Variants in RBFOX1 observed in about 807,000 individuals in gnomAD.
The protein encoded by RBFOX1 is RNA binding protein fox-1 homolog 1.
Under a neutral mutation model 57.7 loss-of-function variants are expected in RBFOX1, and 8 were observed. That is an observed-to-expected ratio of 0.14 (90% CI 0.08 to 0.25). The LOEUF is 0.25. RBFOX1 is among the 10% of genes least tolerant of loss of function. The probability of loss-of-function intolerance (pLI) is 1.00; values close to 1 mark genes in which losing one functional copy is unlikely to be tolerated. For synonymous variants in RBFOX1, 326 were observed against 222.4 expected (o/e 1.47, Z -4.15); for missense variants, 611 against 548.5 (o/e 1.11, Z -1.14).
chr16:6,926,025 C>A (rs1006879082), intron 3 of RBFOX1, among the ~76,000 whole-genome samples: 9 of 152,032 alleles, frequency 5.9e-5, no homozygotes, highest in African/African-American at 2.2e-4. Context: ...CCTCAACTTG[C>A]TGGCTGGGCT....
intron 4 of RBFOX1, among the ~76,000 whole-genome samples, chr16:5,886,732 A>G (rs1483342633): frequency 6.6e-6 from 1 of 152,168 alleles, no homozygotes; most frequent in Admixed American, 6.5e-5. Context: ...TACTTAAAAT[A>G]CAAAAATTAG....
chr16:6,987,494 C>G (rs2086959658), intron 3 of RBFOX1, among the ~76,000 whole-genome samples: 1 of 142,564 alleles, frequency 7.0e-6, no homozygotes, highest in Admixed American at 7.1e-5. Context: ...CACACACACA[C>G]ACACACACAC....
At chr16:5,941,093 C>G (rs189525173) in intron 4 of RBFOX1, among the ~76,000 whole-genome samples, 5 of 152,060 alleles carry the variant, frequency 3.3e-5, no homozygotes, top group Admixed American at 2.6e-4. Flanking sequence ...TGGGATACAC[C>G]CATCCCCAGT....
At chr16:7,277,052 G>A (rs952440170) in intron 4 of RBFOX1, among the ~76,000 whole-genome samples, 4 of 152,182 alleles carry the variant, frequency 2.6e-5, no homozygotes, top group Non-Finnish European at 5.9e-5. Context: ...TTTGTCTGCA[G>A]CCCTTTAAGA....
intron 1 of RBFOX1, among the ~76,000 whole-genome samples, chr16:5,311,075 AG>A (rs1331061159): frequency 1.3e-5 from 2 of 152,180 alleles, no homozygotes; most frequent in African/African-American, 4.8e-5. Context: ...TCCACTTGTA[AG>A]TGAGAACATG....
At chr16:7,133,902 C>T (rs2071202087) in intron 4 of RBFOX1, among the ~76,000 whole-genome samples, 1 of 152,074 alleles carries the variant, frequency 6.6e-6, no homozygotes, top group Admixed American at 6.6e-5. Context: ...AGAAAAACAA[C>T]ATCAGTTCCA....
chr16:6,273,901 T>C (rs957082909), intron 1 of RBFOX1, among the ~76,000 whole-genome samples: 10 of 152,024 alleles, frequency 6.6e-5, no homozygotes, highest in Non-Finnish European at 1.5e-5. Flanking sequence ...AAGAGACATT[T>C]TACTGAAGAG....
intron 3 of RBFOX1, among the ~76,000 whole-genome samples, chr16:5,822,099 G>T (rs1296395625): frequency 6.6e-6 from 1 of 152,188 alleles, no homozygotes; most frequent in Non-Finnish European, 1.5e-5. Context: ...GTTGTGAATT[G>T]TGCTGCCACA....
intron 12 of RBFOX1, among the ~76,000 whole-genome samples, chr16:7,656,140 T>C (rs147856267): frequency 6.6e-6 from 1 of 152,150 alleles, no homozygotes; most frequent in African/African-American, 2.4e-5. Context: ...GGAAGCAAGA[T>C]CAAATTCTCA....
At chr16:7,031,098 C>A (rs1418769328) in intron 3 of RBFOX1, among the ~76,000 whole-genome samples, 1 of 152,144 alleles carries the variant, frequency 6.6e-6, no homozygotes, top group Non-Finnish European at 1.5e-5. Flanking sequence ...GTAAGTAAGA[C>A]TGTAGACTGG....
At chr16:6,041,779 T>C (rs2095439147) in intron 1 of RBFOX1, among the ~76,000 whole-genome samples, 1 of 152,200 alleles carries the variant, frequency 6.6e-6, no homozygotes, top group Non-Finnish European at 1.5e-5. Flanking sequence ...CATCTTCCAG[T>C]TGCCTCTCCA....
intron 9 of RBFOX1, among the ~76,000 whole-genome samples, chr16:7,602,955 C>T (rs986321930): frequency 6.6e-6 from 1 of 152,114 alleles, no homozygotes; most frequent in African/African-American, 2.4e-5. Context: ...TGTACAAATA[C>T]ATGGAAATTC....
chr16:6,526,091 C>G (rs986882469), intron 2 of RBFOX1, among the ~76,000 whole-genome samples: 1 of 151,980 alleles, frequency 6.6e-6, no homozygotes, highest in Non-Finnish European at 1.5e-5. Flanking sequence ...CTTGGATGTG[C>G]GATAGGGTAA....
At chr16:7,135,790 G>A (rs954111723) in intron 4 of RBFOX1, among the ~76,000 whole-genome samples, 35 of 152,196 alleles carry the variant, frequency 2.3e-4, no homozygotes, top group African/African-American at 8.2e-4. Flanking sequence ...TAATTATTCT[G>A]AAGGCCTCAT....
At chr16:6,746,318 A>T (rs567743473) in intron 3 of RBFOX1, among the ~76,000 whole-genome samples, 199 of 152,222 alleles carry the variant, frequency 1.3e-3, no homozygotes, top group Non-Finnish European at 2.2e-3. Context: ...AATATCTTTG[A>T]AAAAAACAAT....
intron 4 of RBFOX1, among the ~76,000 whole-genome samples, chr16:7,505,845 T>C (rs959227203): frequency 1.3e-5 from 2 of 152,152 alleles, no homozygotes; most frequent in Non-Finnish European, 2.9e-5. Context: ...GTTTGTTGGA[T>C]TTTATGAATT....
At chr16:6,365,643 ATTC>A in intron 2 of RBFOX1, among the ~76,000 whole-genome samples, 1 of 152,298 alleles carries the variant, frequency 6.6e-6, no homozygotes, top group African/African-American at 2.4e-5. Context: ...CACTTCACCA[ATTC>A]TTCTAGGCAT....
chr16:5,828,717 A>T (rs1303662205), intron 3 of RBFOX1, among the ~76,000 whole-genome samples: 1 of 152,174 alleles, frequency 6.6e-6, no homozygotes, highest in Non-Finnish European at 1.5e-5. Context: ...AAAGAAAAAA[A>T]TGGAACCTTG....
chr16:5,757,814 A>G (rs1439268240), intron 3 of RBFOX1, among the ~76,000 whole-genome samples: 2 of 152,194 alleles, frequency 1.3e-5, no homozygotes, highest in Non-Finnish European at 2.9e-5. Context: ...TCAGCTTGTC[A>G]TCTGTCTGAT....
Sources: gnomAD v4.1 joint callset for allele counts (sites outside exome capture counted in the v4.1 genomes callset) on GRCh38, gnomAD v4.1.1 for gene constraint, MANE v1.5 for transcripts, NCBI Gene and HGNC (gene_info 2026-07-23, HGNC 2026-07-21) for gene names.